Variants in PREX1 observed in about 807,000 individuals in gnomAD.
PREX1 encodes phosphatidylinositol-3,4,5-trisphosphate dependent Rac exchange factor 1.
PREX1 carries 41 observed loss-of-function variants against 198.3 expected under a neutral mutation model. That is an observed-to-expected ratio of 0.21 (90% CI 0.16 to 0.27). PREX1 has a LOEUF of 0.27. Ranked by LOEUF, PREX1 falls within the 10% of genes least tolerant of loss-of-function variation. PREX1 has a pLI of 1.00. For missense variants in PREX1, 1,620 were observed against 2,200.7 expected (o/e 0.74, Z 5.28); for synonymous variants, 843 against 887.2 (o/e 0.95, Z 0.89).
At chr20:48,679,582 T>C in intron 12 of PREX1, 69 bp downstream of exon 12, 2 of 1,486,612 alleles carry the variant, frequency 1.3e-6, no homozygotes, top group Non-Finnish European at 9.4e-7. Flanking sequence ...AGGCCTGCTC[T>C]GAGGCGAACC....
chr20:48,681,096 C>A, intron 11 of PREX1, 139 bp downstream of exon 11: 1 of 755,352 alleles, frequency 1.3e-6, no homozygotes, highest in East Asian at 2.5e-5. Context: ...CATCCATGTT[C>A]CTGCGGGCCA....
the PREX1 span, among the ~76,000 whole-genome samples, chr20:48,888,084 G>A: frequency 1.2e-4 from 18 of 152,200 alleles, no homozygotes; most frequent in Admixed American, 2.0e-4. Context: ...ACAAAAAGAG[G>A]TTTAATTGGA....
In PREX1 at chr20:48,800,824, AT is replaced by A. The variant is rs887887925; in HGVS notation, c.219+26817del. Among the ~76,000 whole-genome samples, 372 of 146,888 alleles carry A rather than the reference AT, an allele frequency of 2.5e-3. 3 individuals are homozygous for A. The highest frequency in any genetic ancestry group is 0.025 in the South Asian group (114 of 4,632). On this transcript the variant is annotated intron_variant, in intron 1 of 39. Transcript: ENST00000371941. Reference sequence around the variant, plus strand: ...TAACCACTCTGGATGCAAATATCTAATTTTTTTTTTTTGTAGTGACAGGATC... The same window carrying A: ...TAACCACTCTGGATGCAAATATCTAATTTTTTTTTTTGTAGTGACAGGATC...
chr20:48,885,864 T>C, the PREX1 span, among the ~76,000 whole-genome samples: 1 of 152,032 alleles, frequency 6.6e-6, no homozygotes, highest in Non-Finnish European at 1.5e-5. Context: ...AAGGCAAAAC[T>C]ATGGGGACTG....
chr20:48,740,136 A>T (rs1170300862), intron 3 of PREX1, among the ~76,000 whole-genome samples: 1 of 152,126 alleles, frequency 6.6e-6, no homozygotes, highest in Non-Finnish European at 1.5e-5. Context: ...TCTGTTCCCG[A>T]TTAGCATCTC....
intron 6 of PREX1, among the ~76,000 whole-genome samples, chr20:48,705,627 T>C (rs6095250): frequency 0.22 from 33,798 of 152,222 alleles, 4,477 homozygotes; most frequent in South Asian, 0.4. Flanking sequence ...AGACTGTAAC[T>C]ACTAACAGAT....
intron 6 of PREX1, among the ~76,000 whole-genome samples, chr20:48,702,247 A>G (rs1246077930): frequency 6.7e-6 from 1 of 150,158 alleles, no homozygotes; most frequent in African/African-American, 2.5e-5. Context: ...GAGGGCAGGG[A>G]TGGGAAGGTC....
chr20:48,784,424 T>C (rs2090302980), intron 1 of PREX1, among the ~76,000 whole-genome samples: 1 of 152,192 alleles, frequency 6.6e-6, no homozygotes. Flanking sequence ...ATTCCACCTA[T>C]TTTTAGGATT....
intron 6 of PREX1, among the ~76,000 whole-genome samples, chr20:48,707,898 A>G (rs2089910543): frequency 6.6e-6 from 1 of 152,138 alleles, no homozygotes; most frequent in African/African-American, 2.4e-5. Flanking sequence ...TGGAGTGGAC[A>G]CTAGAACCCG....
intron 15 of PREX1, among the ~76,000 whole-genome samples, chr20:48,664,677 T>C (rs910278888): frequency 1.3e-5 from 2 of 152,232 alleles, no homozygotes; most frequent in Non-Finnish European, 2.9e-5. Flanking sequence ...AGAGGCTACA[T>C]AGCACAGTAG....
At chr20:48,743,732 A>G (rs889272682) in intron 3 of PREX1, among the ~76,000 whole-genome samples, 1 of 152,240 alleles carries the variant, frequency 6.6e-6, no homozygotes, top group African/African-American at 2.4e-5. Context: ...AAGGACAATG[A>G]GGCACAGACA....
intron 1 of PREX1, among the ~76,000 whole-genome samples, chr20:48,804,605 A>T (rs564008150): frequency 2.0e-4 from 31 of 152,328 alleles, no homozygotes; most frequent in Non-Finnish European, 4.4e-4. Context: ...GGGCTCAGAT[A>T]GGACGAATGT....
intron 11 of PREX1, 51 bp from the exon 12 acceptor site, chr20:48,679,805 C>G (rs368489770): frequency 2.3e-5 from 32 of 1,422,186 alleles, no homozygotes; most frequent in African/African-American, 2.8e-5. Flanking sequence ...TCAGCCCCTC[C>G]CAGCCACGCC....
chr20:48,788,710 G>A (rs559425127), intron 1 of PREX1, among the ~76,000 whole-genome samples: 6 of 152,298 alleles, frequency 3.9e-5, no homozygotes, highest in South Asian at 2.1e-4. Flanking sequence ...ACAAATACCC[G>A]CTGTGGCAAG....
In PREX1 at chr20:48,801,237, T is replaced by C. The variant is rs1335082032; in HGVS notation, c.219+26405A>G. 2.0e-5 allele frequency among the ~76,000 whole-genome samples: 3 copies of C among 152,210 alleles called. No individual in the cohort carries two copies. The South Asian group carries it at 6.2e-4, about 32-fold the overall frequency. Reference sequence around the variant, plus strand: ...GCAGCGTGGTCTTTTGTGGAAACCATGCGAGCTGCGTAAGCACCAAGGAAC... The same window carrying C: ...GCAGCGTGGTCTTTTGTGGAAACCACGCGAGCTGCGTAAGCACCAAGGAAC... On this transcript the variant is annotated intron_variant, in intron 1 of 39. Transcript: ENST00000371941.
At chr20:48,784,701 G>T (rs756183189) in intron 1 of PREX1, among the ~76,000 whole-genome samples, 11 of 152,112 alleles carry the variant, frequency 7.2e-5, no homozygotes, top group Non-Finnish European at 1.3e-4. Flanking sequence ...GAAGAGAAAG[G>T]CAAGTGGGCG....
intron 5 of PREX1, among the ~76,000 whole-genome samples, chr20:48,711,497 A>AC (rs796640838): frequency 1.8e-4 from 27 of 151,568 alleles, no homozygotes; most frequent in African/African-American, 5.8e-4. Flanking sequence ...AGTTAGTGAG[A>AC]CCCCCGCCCC....
rs1242947749 is a variant in PREX1, at chr20:48,684,803, G to GAGTGGA, written c.1335-3469_1335-3468insTCCACT. Among the ~76,000 whole-genome samples the GAGTGGA allele has an allele frequency of 6.6e-6, 1 of 152,090 alleles. No individual in the cohort carries two copies. Among genetic ancestry groups the GAGTGGA allele is most frequent in the Non-Finnish European group, 1.5e-5 (1 of 68,018 alleles). On this transcript the variant is annotated intron_variant, in intron 10 of 39. Transcript: ENST00000371941. The surrounding 1 kb of genome is among the most constrained non-coding windows in gnomAD (Gnocchi z 4.2). ...CTGAGGCCACATCTCCTGCCCCTCT[G>GAGTGGA]ACCACTCAGGCTCCAGCCACAATGG...
chr20:48,873,554 C>CAAAAAAAAAAAAAAAAA, the PREX1 span, among the ~76,000 whole-genome samples: 1 of 70,110 alleles, frequency 1.4e-5, no homozygotes. Flanking sequence ...AGTAAAAATA[C>CAAAAAAAAAAAAAAAAA]AAAAAAAAAA....
Sources: allele counts gnomAD v4.1 joint callset (sites outside exome capture counted in the v4.1 genomes callset), GRCh38; gene constraint gnomAD v4.1.1; non-coding constraint Gnocchi (gnomAD v3.1); transcripts MANE v1.5; gene names NCBI Gene and HGNC (gene_info 2026-07-23, HGNC 2026-07-21).